ITPRID2: variants seen among roughly 807,000 people sequenced by gnomAD.
ITPRID2 encodes the protein protein ITPRID2.
In ITPRID2, 60 loss-of-function variants were observed where a neutral mutation model predicts 124.3. The observed-to-expected ratio is 0.48, with a 90% confidence interval of 0.39 to 0.60. ITPRID2 has a LOEUF of 0.60. Ranked by LOEUF, ITPRID2 falls within the 20% of genes least tolerant of loss-of-function variation. The pLI is 0.00. For synonymous variants in ITPRID2, 521 were observed against 542.9 expected (o/e 0.96, Z 0.56); for missense variants, 1,553 against 1,512.2 (o/e 1.03, Z -0.45).
Position 181,916,137 on chromosome 2 carries a change from C to T in ITPRID2, c.2497C>T (p.Arg833Trp), listed in dbSNP as rs13419020. ...TCATGGAAGGACTCCTACCTGTTCACGGCTTGCTCCACCACCAATGTCTCA... is the reference window on the plus strand; with the variant it reads ...TCATGGAAGGACTCCTACCTGTTCATGGCTTGCTCCACCACCAATGTCTCA... ...CHHGRTPTCS[R>W]LAPPPMSQST... Residue 833 changes from arginine (R) to tryptophan (W), a missense_variant, in exon 11 of 18, where the codon CGG becomes TGG. Coordinates refer to ENST00000431877, the MANE Select transcript of ITPRID2 (RefSeq NM_001130445.3). The T allele has an allele frequency of 4.0e-3, 6,493 of 1,614,216 alleles. 231 individuals are homozygous for T. The African/African-American group carries it at 0.075, about 19-fold the overall frequency.
chr2:181,919,238 T>C lies in ITPRID2; in HGVS notation c.2994-58T>C. On this transcript the variant is annotated intron_variant, in intron 13 of 17. Coordinates refer to ENST00000431877, the MANE Select transcript of ITPRID2 (RefSeq NM_001130445.3). The surrounding 1 kb of genome is among the most constrained non-coding windows in gnomAD (Gnocchi z 4.2). ...CATATAGTAGTTGTTGAAAGATTTG[T>C]GATTAGGAATCTCCAAACTGCATTT... 1.9e-6 allele frequency: 3 copies of C among 1,591,596 alleles called. No homozygotes were observed. The highest frequency in any genetic ancestry group is 2.2e-5 in the South Asian group (2 of 89,908).
In ITPRID2 at chr2:181,924,415, A is replaced by G. The variant is rs1036994238; in HGVS notation, c.3675+2003A>G. ...TAAATACATACTGTACTAAATTCCA[A>G]TTTTTTAAAATCTTGGTGTACAGCT... On this transcript the variant is annotated intron_variant, in intron 16 of 17. Transcript: ENST00000431877. Among the ~76,000 whole-genome samples the G allele has an allele frequency of 3.3e-5, 5 of 152,274 alleles. No individual in the cohort carries two copies. The South Asian group carries it at 8.3e-4, about 25-fold the overall frequency.
rs199858839 is a variant in ITPRID2 at position 181,919,437 on chromosome 2, C to A, written c.3135C>A (p.Ser1045=). 1.3e-6 allele frequency: 2 copies of A among 1,590,928 alleles called. No homozygotes were observed. Among genetic ancestry groups the A allele is most frequent in the South Asian group, 1.1e-5 (1 of 88,326 alleles). ...GCATGCCTTCACCCTTCCGCTCCTC[C>A]GCACTCATGGTACGCTACCTGGAGG... is the stretch of plus-strand genomic sequence containing the variant. ...AVRMPSPFRS[S]ALMGMCGSRS... The change falls in exon 14 of 18, where the codon TCC becomes TCA. Residue 1045 remains serine, a synonymous_variant. Transcript: ENST00000431877. The surrounding 1 kb of genome is among the most constrained non-coding windows in gnomAD (Gnocchi z 4.2).
rs1187768026 is a variant in ITPRID2, at chr2:181,916,122, A to T, written c.2482A>T (p.Thr828Ser). ...PRVEECHHGR[T>S]PTCSRLAPPP... ...GGTGGAGGAATGCCATCATGGAAGG[A>T]CTCCTACCTGTTCACGGCTTGCTCC... The change falls in exon 11 of 18, where the codon ACT (threonine) becomes TCT (serine). Residue 828 changes from threonine to serine, a missense_variant. Physicochemically the swap from Thr to Ser is moderately conservative, Grantham distance 58. Transcript: ENST00000431877. 2.5e-6 allele frequency: 4 copies of T among 1,613,678 alleles called. No homozygotes were observed. Among genetic ancestry groups the T allele is most frequent in the Non-Finnish European group, 3.4e-6 (4 of 1,179,896 alleles).
chr2:181,922,826 G>A (rs1694576984), intron 16 of ITPRID2, among the ~76,000 whole-genome samples: 1 of 152,110 alleles, frequency 6.6e-6, no homozygotes, highest in African/African-American at 2.4e-5. Flanking sequence ...GGAGGCTGGG[G>A]TAGGAGAATT....
chr2:181,929,539 G>C (rs751790012), intron 17 of ITPRID2, 22 bp from the exon 18 acceptor site: 1 of 1,567,586 alleles, frequency 6.4e-7, no homozygotes, highest in Non-Finnish European at 8.8e-7. Context: ...GTTTAAAACT[G>C]ACTTCTCTTT....
intron 9 of ITPRID2, among the ~76,000 whole-genome samples, chr2:181,913,352 C>A (rs1693774883): frequency 6.6e-6 from 1 of 152,204 alleles, no homozygotes; most frequent in African/African-American, 2.4e-5. Flanking sequence ...CAGGCATGAG[C>A]CACCGCGCCC....
At position 181,919,969 on chromosome 2, in the gene ITPRID2, A is replaced by C. The variant is rs1003386092; in HGVS notation, c.3144+523A>C. Among the ~76,000 whole-genome samples, 2 of 152,150 alleles carry C rather than the reference A, an allele frequency of 1.3e-5. No individual in the cohort carries two copies. The highest frequency in any genetic ancestry group is 2.9e-5 in the Non-Finnish European group (2 of 68,012). ...TATATGTATTTTCCTAAATATATAG[A>C]TATATATCCAAGAGAATAAAAAGAA... On this transcript the variant is annotated intron_variant, in intron 14 of 17. Coordinates refer to ENST00000431877, the MANE Select transcript of ITPRID2 (RefSeq NM_001130445.3). This position sits in a 1 kb window ranked among gnomAD's most constrained non-coding sequence, Gnocchi z 4.2.
chr2:181,908,149 G>T (rs1408200502), intron 8 of ITPRID2, among the ~76,000 whole-genome samples: 1 of 152,078 alleles, frequency 6.6e-6, no homozygotes, highest in African/African-American at 2.4e-5. Context: ...CAGGTGGATC[G>T]CTTGAGCCCA....
At chr2:181,920,393 C>CA (rs1250009292) in intron 14 of ITPRID2, among the ~76,000 whole-genome samples, 6 of 152,086 alleles carry the variant, frequency 3.9e-5, no homozygotes, top group African/African-American at 1.4e-4. Flanking sequence ...AGTTTTAACT[C>CA]ACAATAATGC....
chr2:181,892,102 G>T lies in ITPRID2; in HGVS notation c.36G>T (p.Glu12Asp). The part of the protein sequence containing the change: ...DRPLSSSAEA[E>D]EELEWQVASR... Reference sequence around the variant, plus strand: ...CCCTGTCGTCGTCGGCGGAGGCGGAGGAGGAACTGGAGTGGCAAGTGGCGA... The same window carrying T: ...CCCTGTCGTCGTCGGCGGAGGCGGATGAGGAACTGGAGTGGCAAGTGGCGA... The change falls in exon 1 of 18, where the codon GAG (glutamate) becomes GAT (aspartate). Residue 12 changes from glutamate (E) to aspartate (D), a missense_variant. Transcript: ENST00000431877. This position sits in a 1 kb window ranked among gnomAD's most constrained non-coding sequence, Gnocchi z 5.2. 1 of 1,557,558 alleles carries T rather than the reference G, an allele frequency of 6.4e-7. No individual in the cohort carries two copies. Among genetic ancestry groups the T allele is most frequent in the Admixed American group, 1.9e-5 (1 of 51,964 alleles).
chr2:181,924,541 G>C (rs1694709666), intron 16 of ITPRID2, among the ~76,000 whole-genome samples: 1 of 152,168 alleles, frequency 6.6e-6, no homozygotes, highest in South Asian at 2.1e-4. Context: ...ATCTTGGGTT[G>C]AACAGTTTTG....
chr2:181,911,023 G>T (rs879883583), intron 9 of ITPRID2, among the ~76,000 whole-genome samples: 2 of 152,144 alleles, frequency 1.3e-5, no homozygotes, highest in Non-Finnish European at 2.9e-5. Flanking sequence ...AGGAGGATAA[G>T]AAAACAATAA....
rs1364709347 is a variant in ITPRID2, at chr2:181,891,868, G to A, written c.-199G>A. The A allele has an allele frequency of 5.8e-6, 2 of 344,728 alleles. No homozygotes were observed. The highest frequency in any genetic ancestry group is 2.5e-5 in the South Asian group (1 of 39,242). The allele number at this position is 344,728 out of a possible 1,614,324, so 21.4% of individuals were successfully genotyped here. A position where few individuals can be genotyped will look rare whatever the true frequency, so the allele number is the denominator to read the frequency against. ...GCGCCCGGCCGCCTTCATGTGAAGC[G>A]CCGGCCCTCCGCCCCTTCCCTCCCC... On this transcript the variant is annotated 5_prime_UTR_variant, in exon 1 of 18. Coordinates refer to ENST00000431877, the MANE Select transcript of ITPRID2 (RefSeq NM_001130445.3).
At chr2:181,914,868 G>A (rs1693903038) in intron 10 of ITPRID2, among the ~76,000 whole-genome samples, 1 of 152,192 alleles carries the variant, frequency 6.6e-6, no homozygotes, top group Non-Finnish European at 1.5e-5. Flanking sequence ...GAGAAGGAGG[G>A]AATGATGGGG....
chr2:181,923,325 A>C (rs371414408), intron 16 of ITPRID2, among the ~76,000 whole-genome samples: 1 of 152,226 alleles, frequency 6.6e-6, no homozygotes, highest in Non-Finnish European at 1.5e-5. Context: ...CTGTATATGC[A>C]GTTCTCTAGT....
At chr2:181,899,659 A>C (rs1248262255) in intron 6 of ITPRID2, among the ~76,000 whole-genome samples, 2 of 152,112 alleles carry the variant, frequency 1.3e-5, no homozygotes. Flanking sequence ...AATATGGGGA[A>C]ACGGCGAAAC....
Position 181,902,334 on chromosome 2 carries a change from T to G in ITPRID2, c.1281T>G (p.Ser427Arg). 1 of 1,613,764 alleles carries G rather than the reference T, an allele frequency of 6.2e-7. No homozygotes were observed. The highest frequency in any genetic ancestry group is 8.5e-7 in the Non-Finnish European group (1 of 1,179,742). Residue 427 changes from serine (S) to arginine (R), a missense_variant, in exon 8 of 18, where the codon AGT becomes AGG. Ser to Arg is a moderately radical substitution (Grantham distance 110). Transcript: ENST00000431877. This position sits in a 1 kb window ranked among gnomAD's most constrained non-coding sequence, Gnocchi z 4.4. The part of the protein sequence containing the change: ...LDSDFNISSH[S>R]ELENSSELKS... ...GTGATTTCAACATATCCAGCCACAGTGAGCTGGAAAATAGCAGTGAGCTGA... is the reference window on the plus strand; with the variant it reads ...GTGATTTCAACATATCCAGCCACAGGGAGCTGGAAAATAGCAGTGAGCTGA...
chr2:181,922,332 G>A lies in ITPRID2; in HGVS notation c.3595G>A (p.Gly1199Arg), dbSNP rs1694541700. The A allele has an allele frequency of 6.2e-7, 1 of 1,614,204 alleles. No individual in the cohort carries two copies. The highest frequency in any genetic ancestry group is 8.5e-7 in the Non-Finnish European group (1 of 1,180,036). The stretch of plus-strand genomic sequence containing the variant: ...TAAATCTGAAGTGGAAGAAGGGCAT[G>A]GAAAACTCCCATCAATGCCAGCTGC... Reference protein sequence around the residue: ...GPKSEVEEGHGKLPSMPAAEE... With the variant: ...GPKSEVEEGHRKLPSMPAAEE... Residue 1199 changes from glycine to arginine, a missense_variant, in exon 16 of 18, where the codon GGA becomes AGA. Physicochemically the swap from Gly to Arg is moderately radical, Grantham distance 125. Coordinates refer to ENST00000431877, the MANE Select transcript of ITPRID2 (RefSeq NM_001130445.3).
Sources: allele counts gnomAD v4.1 joint callset (sites outside exome capture counted in the v4.1 genomes callset), GRCh38; gene constraint gnomAD v4.1.1; non-coding constraint Gnocchi (gnomAD v3.1); transcripts MANE v1.5; gene names NCBI Gene and HGNC (gene_info 2026-07-23, HGNC 2026-07-21).